POU2F2: variants seen among roughly 807,000 people sequenced by gnomAD.
POU2F2 encodes POU domain, class 2, transcription factor 2.
In POU2F2, 14 loss-of-function variants were observed where a neutral mutation model predicts 63.5. The observed-to-expected ratio is 0.22, with a 90% CI of 0.15 to 0.34. The LOEUF is 0.34. Among genes scored for constraint, POU2F2 ranks in the 10% least tolerant of loss-of-function variants. The pLI, the probability that POU2F2 is intolerant of heterozygous loss-of-function variation, is 1.00. For missense variants in POU2F2, 607 were observed against 815.2 expected (o/e 0.74, Z 3.11); for synonymous variants, 306 against 348.6 (o/e 0.88, Z 1.36).
intron 2 of POU2F2, among the ~76,000 whole-genome samples, chr19:42,151,808 G>T (rs1395145751): frequency 6.6e-6 from 1 of 152,190 alleles, no homozygotes; most frequent in East Asian, 1.9e-4. Context: ...GAGGGAAGAG[G>T]AGGCTGAGGA....
At chr19:42,098,430 C>A (rs9676268) in intron 7 of POU2F2, among the ~76,000 whole-genome samples, 3,378 of 139,868 alleles carry the variant, frequency 0.024, 116 homozygotes, top group African/African-American at 0.082. Flanking sequence ...AAAAAAAAAA[C>A]AAAAAGAAAG....
chr19:42,119,444 G>A (rs1600107992), intron 4 of POU2F2, among the ~76,000 whole-genome samples: 1 of 152,156 alleles, frequency 6.6e-6, no homozygotes, highest in Non-Finnish European at 1.5e-5. Flanking sequence ...GAGCCAAGGT[G>A]GGAGGATCAC....
At chr19:42,116,845 G>A in intron 5 of POU2F2, 1 of 412,718 alleles carries the variant, frequency 2.4e-6, no homozygotes, top group South Asian at 1.8e-5. Flanking sequence ...GGCAGAGGAG[G>A]AGGAGGAGGA....
intron 5 of POU2F2, among the ~76,000 whole-genome samples, chr19:42,103,619 G>T (rs1257207145): frequency 6.7e-6 from 1 of 150,216 alleles, no homozygotes; most frequent in Non-Finnish European, 1.5e-5. Flanking sequence ...AACAGAAGGG[G>T]CTCGTTTCTT....
intron 1 of POU2F2, among the ~76,000 whole-genome samples, chr19:42,166,232 G>A (rs1332004659): frequency 6.6e-6 from 1 of 152,206 alleles, no homozygotes; most frequent in African/African-American, 2.4e-5. Flanking sequence ...GGAATAGTAA[G>A]CTCTGTGCAG....
chr19:42,182,384 G>A (rs1018572438), intron 1 of POU2F2, among the ~76,000 whole-genome samples: 1 of 151,994 alleles, frequency 6.6e-6, no homozygotes, highest in Non-Finnish European at 1.5e-5. Flanking sequence ...AGGACAGGAG[G>A]AGAATGGGTG....
intron 4 of POU2F2, among the ~76,000 whole-genome samples, chr19:42,120,117 C>A (rs1714250): frequency 3.2e-4 from 48 of 152,182 alleles, no homozygotes; most frequent in African/African-American, 1.1e-3. Flanking sequence ...CACTATGTTG[C>A]CCAGGCTGGT....
At chr19:42,187,740 C>T (rs894151973) in intron 1 of POU2F2, among the ~76,000 whole-genome samples, 1 of 139,392 alleles carries the variant, frequency 7.2e-6, no homozygotes, top group African/African-American at 2.7e-5. Context: ...CCGGTCTGAC[C>T]GACAGAGCGA....
rs548012113 is a variant in POU2F2, at chr19:42,152,350, C to T, written c.-9+7982G>A. Among the ~76,000 whole-genome samples, 800 of 152,168 alleles carry T rather than the reference C, an allele frequency of 5.3e-3. 2 individuals are homozygous for T. Among genetic ancestry groups the T allele is most frequent in the Admixed American group, 8.0e-3 (122 of 15,296 alleles). Reference sequence around the variant, plus strand: ...TTGGAGGGGGTGGGATGGGCTCACACATGCCCCCACAGCCTGCCAAGAAGG... The same window carrying T: ...TTGGAGGGGGTGGGATGGGCTCACATATGCCCCCACAGCCTGCCAAGAAGG... On this transcript the variant is annotated intron_variant, in intron 2 of 6. Coordinates refer to the POU2F2 transcript ENST00000524801. This position sits in a 1 kb window ranked among gnomAD's most constrained non-coding sequence, Gnocchi z 4.1.
At chr19:42,178,840 TGA>T (rs757080884), upstream of POU2F2, among the ~76,000 whole-genome samples, 11 of 147,214 alleles carry the variant, frequency 7.5e-5, no homozygotes, top group Non-Finnish European at 1.5e-4. Flanking sequence ...ACAGAGATGG[TGA>T]GAGAAAGAAA....
rs2034396165 is a variant in POU2F2 at position 42,153,542 on chromosome 19, G to C, written c.-9+6790C>G. On this transcript the variant is annotated intron_variant, in intron 2 of 6. Coordinates refer to the POU2F2 transcript ENST00000524801. The surrounding 1 kb of genome is among the most constrained non-coding windows in gnomAD (Gnocchi z 5.6). ...CGTGAGCCTCCATGGGTCCCGTGTG[G>C]ATCTGTGCCTGTGCCTGTGGGCAGC... Among the ~76,000 whole-genome samples, 1 of 152,154 alleles carries C rather than the reference G, an allele frequency of 6.6e-6. No individual in the cohort carries two copies. Among genetic ancestry groups the C allele is most frequent in the South Asian group, 2.1e-4 (1 of 4,828 alleles).
chr19:42,197,675 C>T (rs531589120), upstream of POU2F2, among the ~76,000 whole-genome samples: 1 of 152,128 alleles, frequency 6.6e-6, no homozygotes, highest in Non-Finnish European at 1.5e-5. Flanking sequence ...CAGCTGGAGC[C>T]ACAGAACAGC....
At chr19:42,105,720 C>T (rs1478167983) in intron 5 of POU2F2, among the ~76,000 whole-genome samples, 2 of 152,142 alleles carry the variant, frequency 1.3e-5, no homozygotes, top group African/African-American at 4.8e-5. Flanking sequence ...CTTAATCCCA[C>T]CTTCCCTTCC....
Position 42,195,858 on chromosome 19 carries a change from C to A in POU2F2, c.-70+525G>T, listed in dbSNP as rs761810235. Among the ~76,000 whole-genome samples, 9 of 150,992 alleles carry A rather than the reference C, an allele frequency of 6.0e-5. No individual in the cohort carries two copies. The East Asian group carries it at 1.6e-3, about 26-fold the overall frequency. ...TCAGTGGCGTGATTTCGGCTCACTG[C>A]AACCTCCACCTCCCAGGTTCAAGAG... On this transcript the variant is annotated intron_variant, in intron 1 of 5. Coordinates refer to the POU2F2 transcript ENST00000532176.
intron 5 of POU2F2, among the ~76,000 whole-genome samples, chr19:42,107,053 T>A (rs924194979): frequency 5.3e-5 from 8 of 151,692 alleles, no homozygotes; most frequent in Non-Finnish European, 1.2e-4. Context: ...ATAAAATAAA[T>A]TAATTAAAAT....
At chr19:42,119,264 T>C (rs2032302686) in intron 4 of POU2F2, among the ~76,000 whole-genome samples, 1 of 152,246 alleles carries the variant, frequency 6.6e-6, no homozygotes, top group South Asian at 2.1e-4. Context: ...CTGGTCGTGC[T>C]CTGCTTCTTG....
chr19:42,168,230 G>C (rs1194277365), intron 1 of POU2F2, among the ~76,000 whole-genome samples: 1 of 152,122 alleles, frequency 6.6e-6, no homozygotes, highest in Non-Finnish European at 1.5e-5. Context: ...CCTTCCTCCA[G>C]GGGCTACCCA....
rs2076648657 is a variant in POU2F2 at position 42,089,542 on chromosome 19, C to T, written c.*1715G>A. On this transcript the variant is annotated 3_prime_UTR_variant, in exon 15 of 15. Coordinates refer to ENST00000692977, the MANE Select transcript of POU2F2 (RefSeq NM_001394376.1). Reference sequence around the variant, plus strand: ...GAGGGACAGGCCCTGCCCCAGCCGCCCCCTCCGGCTTTCCCAAAGACAACG... The same window carrying T: ...GAGGGACAGGCCCTGCCCCAGCCGCTCCCTCCGGCTTTCCCAAAGACAACG... 1.3e-5 allele frequency: 2 copies of T among 152,306 alleles called. No homozygotes were observed. The highest frequency in any genetic ancestry group is 6.6e-5 in the Admixed American group (1 of 15,246). 9.4% of individuals were successfully genotyped at this position (152,306 alleles called of 1,614,324 possible).
intron 5 of POU2F2, among the ~76,000 whole-genome samples, chr19:42,116,488 A>G (rs1435793935): frequency 6.6e-6 from 1 of 152,042 alleles, no homozygotes; most frequent in Non-Finnish European, 1.5e-5. Flanking sequence ...CACCAGAGGG[A>G]GGATTATGAT....
Sources: gnomAD v4.1 joint callset for allele counts (sites outside exome capture counted in the v4.1 genomes callset) on GRCh38, gnomAD v4.1.1 for gene constraint, Gnocchi (gnomAD v3.1) non-coding constraint, MANE v1.5 for transcripts, NCBI Gene and HGNC (gene_info 2026-07-23, HGNC 2026-07-21) for gene names.